The following PCDH15 variants were observed in gnomAD, a reference collection of about 807,000 sequenced individuals.
PCDH15 encodes protocadherin related 15, also known as protocadherin-15.
A neutral mutation model predicts 178.5 loss-of-function variants in PCDH15; 129 were observed. The observed-to-expected ratio is 0.72, with a 90% CI of 0.63 to 0.84. PCDH15 has a LOEUF of 0.84. PCDH15 is among the 40% of genes least tolerant of loss of function. The pLI is 0.00. For missense variants in PCDH15, 2,230 were observed against 2,099.9 expected, an observed-to-expected ratio of 1.06 and a Z score of -1.21; for synonymous variants, 800 against 732.0, an observed-to-expected ratio of 1.09 and a Z score of -1.50.
intron 2 of PCDH15, among the ~76,000 whole-genome samples, chr10:54,594,987 C>T (rs190846275): frequency 1.3e-5 from 2 of 152,294 alleles, no homozygotes; most frequent in African/African-American, 4.8e-5. Flanking sequence ...CACTAGCGCC[C>T]CATCCCTGTG....
At chr10:54,743,617 A>G (rs1056548934) in intron 1 of PCDH15, among the ~76,000 whole-genome samples, 2 of 152,024 alleles carry the variant, frequency 1.3e-5, no homozygotes, top group African/African-American at 4.8e-5. Flanking sequence ...ACTTTACTCT[A>G]TACAAATTAC....
intron 2 of PCDH15, among the ~76,000 whole-genome samples, chr10:55,114,911 A>G (rs938303695): frequency 1.3e-5 from 2 of 152,346 alleles, no homozygotes; most frequent in Non-Finnish European, 2.9e-5. Context: ...GATCCCATAA[A>G]ATAGATGGCT....
intron 3 of PCDH15, among the ~76,000 whole-genome samples, chr10:54,462,147 T>A (rs1230618790): frequency 6.6e-6 from 1 of 152,138 alleles, no homozygotes; most frequent in African/African-American, 2.4e-5. Context: ...TAGTAGTTAT[T>A]TTTCAGAATC....
chr10:54,565,731 T>G (rs2088927774), intron 2 of PCDH15, among the ~76,000 whole-genome samples: 1 of 152,230 alleles, frequency 6.6e-6, no homozygotes, highest in Non-Finnish European at 1.5e-5. Context: ...TTTTCTTTTA[T>G]GCAGATTATA....
At chr10:55,268,550 T>C (rs912392845) in intron 1 of PCDH15, among the ~76,000 whole-genome samples, 1 of 152,190 alleles carries the variant, frequency 6.6e-6, no homozygotes, top group Non-Finnish European at 1.5e-5. Flanking sequence ...ATGAAGAGTA[T>C]GTTCACCTTT....
At chr10:54,767,787 A>C (rs1948680639) in intron 1 of PCDH15, among the ~76,000 whole-genome samples, 2 of 152,168 alleles carry the variant, frequency 1.3e-5, no homozygotes, top group Non-Finnish European at 2.9e-5. Context: ...GCATGCCTCA[A>C]TACTGTCAAG....
At chr10:55,167,238 C>T (rs141301392) in intron 1 of PCDH15, among the ~76,000 whole-genome samples, 2,942 of 152,182 alleles carry the variant, frequency 0.019, 47 homozygotes, top group Middle Eastern at 0.075. Context: ...CTCAGCCTCC[C>T]GAGTAGCTGG....
chr10:54,346,056 T>G (rs1943224883), intron 6 of PCDH15, among the ~76,000 whole-genome samples: 1 of 152,062 alleles, frequency 6.6e-6, no homozygotes, highest in Non-Finnish European at 1.5e-5. Context: ...TGTTTGACAC[T>G]TGTTATCTCA....
At chr10:54,443,779 T>A (rs759665220) in intron 3 of PCDH15, among the ~76,000 whole-genome samples, 15 of 151,724 alleles carry the variant, frequency 9.9e-5, no homozygotes, top group Non-Finnish European at 1.6e-4. Context: ...TTCATTCTAG[T>A]GTTTATTGAG....
intron 8 of PCDH15, among the ~76,000 whole-genome samples, chr10:54,296,421 G>A (rs1436460324): frequency 3.3e-5 from 5 of 151,968 alleles, no homozygotes; most frequent in Admixed American, 2.6e-4. Context: ...AGGGAGACTC[G>A]CCCATCTCTC....
At chr10:55,391,246 T>A (rs896898184) in intron 2 of PCDH15, among the ~76,000 whole-genome samples, 3 of 130,938 alleles carry the variant, frequency 2.3e-5, no homozygotes, top group African/African-American at 3.3e-5. Flanking sequence ...CAGAGACAGC[T>A]TTTTTTTTTT....
chr10:54,002,526 AATAACAAC>A (rs2092207694), intron 20 of PCDH15, among the ~76,000 whole-genome samples: 1 of 152,226 alleles, frequency 6.6e-6, no homozygotes, highest in South Asian at 2.1e-4. Flanking sequence ...ACTAAAAATC[AATAACAAC>A]ATAAATTTTG....
intron 2 of PCDH15, among the ~76,000 whole-genome samples, chr10:55,452,475 A>C (rs1839457744): frequency 6.6e-6 from 1 of 152,188 alleles, no homozygotes; most frequent in Non-Finnish European, 1.5e-5. Flanking sequence ...TGTTACAGGA[A>C]TCTAGATTCT....
intron 14 of PCDH15, among the ~76,000 whole-genome samples, chr10:54,138,925 T>G (rs1363321983): frequency 6.6e-6 from 1 of 152,080 alleles, no homozygotes; most frequent in Admixed American, 6.5e-5. Context: ...TCTACCAAAT[T>G]GGTTTATAAA....
At chr10:54,550,039 G>T (rs534010660) in intron 2 of PCDH15, among the ~76,000 whole-genome samples, 1 of 151,950 alleles carries the variant, frequency 6.6e-6, no homozygotes, top group South Asian at 2.1e-4. Flanking sequence ...TAAAATATAG[G>T]ATCCAGACCA....
At chr10:55,345,128 A>AAT (rs1844713808) in intron 2 of PCDH15, among the ~76,000 whole-genome samples, 1 of 150,180 alleles carries the variant, frequency 6.7e-6, no homozygotes, top group African/African-American at 2.5e-5. Context: ...ATGTCCTAAA[A>AAT]GTGTGTGTGT....
intron 1 of PCDH15, among the ~76,000 whole-genome samples, chr10:55,234,843 G>A (rs2680328): frequency 0.77 from 117,536 of 151,826 alleles, 45,891 homozygotes; most frequent in South Asian, 0.83. Flanking sequence ...TTAGTACATC[G>A]TTCATAAATA....
intron 3 of PCDH15, among the ~76,000 whole-genome samples, chr10:54,448,837 T>C (rs2076296028): frequency 6.6e-6 from 1 of 151,804 alleles, no homozygotes; most frequent in South Asian, 2.1e-4. Context: ...TTTCTATTTT[T>C]CTTCAACTTC....
chr10:54,598,830 A>T (rs1175370218), intron 2 of PCDH15, among the ~76,000 whole-genome samples: 1 of 152,112 alleles, frequency 6.6e-6, no homozygotes, highest in East Asian at 1.9e-4. Flanking sequence ...TACATCAACA[A>T]CAGCCAAGCT....
Sources: allele counts gnomAD v4.1 joint callset (sites outside exome capture counted in the v4.1 genomes callset), GRCh38; gene constraint gnomAD v4.1.1; transcripts MANE v1.5; gene names NCBI Gene and HGNC (gene_info 2026-07-23, HGNC 2026-07-21).